RXFP1: variants seen among roughly 807,000 people sequenced by gnomAD.
RXFP1 encodes relaxin family peptide receptor 1, also known as relaxin receptor 1.
Under a neutral mutation model 89.8 loss-of-function variants are expected in RXFP1, and 73 were observed. The observed-to-expected ratio is 0.81, with a 90% confidence interval of 0.67 to 0.99. RXFP1 has a LOEUF of 0.99. RXFP1 is among the 50% of genes least tolerant of loss of function. The pLI is 0.00. For missense variants in RXFP1, 793 were observed against 895.5 expected (o/e 0.89, Z 1.46); for synonymous variants, 277 against 305.5 (o/e 0.91, Z 0.97).
At chr4:158,604,675 T>A (rs866556521) in intron 4 of RXFP1, among the ~76,000 whole-genome samples, 2 of 152,220 alleles carry the variant, frequency 1.3e-5, no homozygotes, top group Admixed American at 1.3e-4. Flanking sequence ...CAATGAAATA[T>A]TGAGAAATAC....
intron 1 of RXFP1, among the ~76,000 whole-genome samples, chr4:158,564,982 G>A (rs1753252988): frequency 1.3e-5 from 2 of 152,164 alleles, no homozygotes; most frequent in Admixed American, 1.3e-4. Context: ...ATCAGAAGGA[G>A]GTATTTTTCT....
chr4:158,608,906 T>C (rs1763036204), intron 6 of RXFP1, among the ~76,000 whole-genome samples: 1 of 152,276 alleles, frequency 6.6e-6, no homozygotes, highest in Non-Finnish European at 1.5e-5. Flanking sequence ...GTTTTTTGTG[T>C]CTGGTTTATT....
At chr4:158,527,564 A>ATATAT (rs1553989393) in intron 1 of RXFP1, among the ~76,000 whole-genome samples, 56 of 98,326 alleles carry the variant, frequency 5.7e-4, no homozygotes, top group African/African-American at 1.8e-3. Context: ...AAAAAAAAAA[A>ATATAT]ATATATATAT....
At chr4:158,602,210 C>T (rs558722607) in intron 4 of RXFP1, among the ~76,000 whole-genome samples, 1 of 152,244 alleles carries the variant, frequency 6.6e-6, no homozygotes, top group Admixed American at 6.5e-5. Context: ...TGTTATTTGT[C>T]AAAATATTTT....
chr4:158,627,904 A>T (rs1767227142), intron 10 of RXFP1, among the ~76,000 whole-genome samples: 1 of 152,166 alleles, frequency 6.6e-6, no homozygotes, highest in South Asian at 2.1e-4. Context: ...TTTTTTAAGG[A>T]AACCTCTGTA....
chr4:158,582,289 T>G (rs980710666), intron 2 of RXFP1, among the ~76,000 whole-genome samples: 2 of 152,192 alleles, frequency 1.3e-5, no homozygotes, highest in African/African-American at 4.8e-5. Flanking sequence ...GGGTCCATTC[T>G]TCCAAGTGGT....
At chr4:158,526,459 G>T (rs948787141) in intron 1 of RXFP1, among the ~76,000 whole-genome samples, 1 of 152,152 alleles carries the variant, frequency 6.6e-6, no homozygotes, top group African/African-American at 2.4e-5. Context: ...GAGCAACAAG[G>T]ACCCAACACT....
chr4:158,558,852 A>G (rs2149927029), intron 1 of RXFP1, among the ~76,000 whole-genome samples: 1 of 152,344 alleles, frequency 6.6e-6, no homozygotes, highest in East Asian at 1.9e-4. Context: ...AAAACTACTC[A>G]GTACATTCAA....
At chr4:158,597,795 C>T (rs2150083663) in intron 3 of RXFP1, among the ~76,000 whole-genome samples, 1 of 152,246 alleles carries the variant, frequency 6.6e-6, no homozygotes. Flanking sequence ...TTCTTCCTTC[C>T]CAACCTTTTC....
intron 13 of RXFP1, among the ~76,000 whole-genome samples, chr4:158,638,736 G>A (rs996873305): frequency 6.7e-6 from 1 of 149,816 alleles, no homozygotes; most frequent in African/African-American, 2.5e-5. Flanking sequence ...CATTGCTTGA[G>A]TTGGGAGGTT....
At chr4:158,527,638 A>G (rs1004306398) in intron 1 of RXFP1, among the ~76,000 whole-genome samples, 13 of 149,538 alleles carry the variant, frequency 8.7e-5, no homozygotes, top group Non-Finnish European at 1.6e-4. Flanking sequence ...TAATTCATTT[A>G]AGGAAAAATG....
chr4:158,524,915 C>A (rs1742111370), intron 1 of RXFP1, among the ~76,000 whole-genome samples: 1 of 152,116 alleles, frequency 6.6e-6, no homozygotes, highest in Admixed American at 6.6e-5. Flanking sequence ...TAAGCTTGAT[C>A]CACTTTAGTA....
At chr4:158,594,026 G>T (rs1442403041) in intron 3 of RXFP1, among the ~76,000 whole-genome samples, 1 of 152,200 alleles carries the variant, frequency 6.6e-6, no homozygotes, top group Non-Finnish European at 1.5e-5. Context: ...TAATATTTTA[G>T]ATCAGAAAGA....
chr4:158,553,268 G>A (rs541117187), intron 1 of RXFP1, among the ~76,000 whole-genome samples: 34 of 152,236 alleles, frequency 2.2e-4, no homozygotes, highest in African/African-American at 7.7e-4. Flanking sequence ...AAGAAATGGC[G>A]ATATAAGTGG....
In RXFP1 at chr4:158,640,882, G is replaced by A. The variant is rs368802930; in HGVS notation, c.1115+1551G>A. ...ATATCAAGGCATGATTCAAGCAAGC[G>A]TGCATGGATGAAATGGTAAACTTTG... is the stretch of plus-strand genomic sequence containing the variant. On this transcript the variant is annotated intron_variant, in intron 14 of 17. Transcript: ENST00000307765. Among the ~76,000 whole-genome samples the A allele has an allele frequency of 1.6e-4, 24 of 152,314 alleles. No homozygotes were observed. The South Asian group carries it at 3.3e-3, about 21-fold the overall frequency.
chr4:158,632,792 G>C (rs1768333244), intron 11 of RXFP1, among the ~76,000 whole-genome samples: 1 of 152,092 alleles, frequency 6.6e-6, no homozygotes, highest in Admixed American at 6.6e-5. Flanking sequence ...CGCAAACCAT[G>C]CATCTATTCT....
At chr4:158,578,739 G>A (rs1188504715) in intron 2 of RXFP1, among the ~76,000 whole-genome samples, 15 of 151,958 alleles carry the variant, frequency 9.9e-5, no homozygotes, top group Admixed American at 9.8e-4. Context: ...TGGGAAGACT[G>A]GCTTTCTGGT....
intron 1 of RXFP1, chr4:158,544,080 G>A (rs1340325001): frequency 1.0e-6 from 1 of 981,326 alleles, no homozygotes; most frequent in Non-Finnish European, 1.2e-6. Flanking sequence ...ATAAAGAGAA[G>A]AACTAACAAG....
intron 4 of RXFP1, among the ~76,000 whole-genome samples, chr4:158,603,658 G>A (rs749571134): frequency 4.7e-4 from 72 of 151,798 alleles, no homozygotes; most frequent in South Asian, 1.7e-3. Flanking sequence ...TTCGGAGGCC[G>A]AGGCAGGTGG....
Sources: allele counts gnomAD v4.1 joint callset (sites outside exome capture counted in the v4.1 genomes callset), GRCh38; gene constraint gnomAD v4.1.1; transcripts MANE v1.5; gene names NCBI Gene and HGNC (gene_info 2026-07-23, HGNC 2026-07-21).